The following ARHGAP42 variants were observed in gnomAD, a reference collection of about 807,000 sequenced individuals.
ARHGAP42 encodes the protein rho GTPase-activating protein 42.
Under a neutral mutation model 125.0 loss-of-function variants are expected in ARHGAP42, and 63 were observed. The observed-to-expected ratio is 0.50, with a 90% CI of 0.41 to 0.62. ARHGAP42 has a LOEUF of 0.62. Ranked by LOEUF, ARHGAP42 falls within the 20% of genes least tolerant of loss-of-function variation. The pLI is 0.00. For missense variants in ARHGAP42, 766 were observed against 1,024.2 expected, an observed-to-expected ratio of 0.75 and a Z score of 3.44; for synonymous variants, 339 against 351.0, an observed-to-expected ratio of 0.97 and a Z score of 0.38.
chr11:100,831,065 G>C (rs1333715418), intron 3 of ARHGAP42, among the ~76,000 whole-genome samples: 10 of 152,066 alleles, frequency 6.6e-5, no homozygotes, highest in Non-Finnish European at 1.3e-4. Context: ...TCTGTGCTTG[G>C]ATTTTTGGAT....
chr11:100,831,426 C>T lies in ARHGAP42; in HGVS notation c.313-28128C>T, dbSNP rs539014220. Among the ~76,000 whole-genome samples the T allele has an allele frequency of 1.9e-4, 29 of 152,264 alleles. No individual in the cohort carries two copies. In the South Asian group the frequency reaches 6.0e-3, roughly 32 times the overall value. ...CTGACTTAAAAGGAGTCATCCACAT[C>T]GTTAGGATATTATAACATTGTACTA... On this transcript the variant is annotated intron_variant, in intron 3 of 23. Coordinates refer to ENST00000298815, the MANE Select transcript of ARHGAP42 (RefSeq NM_152432.4).
chr11:100,841,296 C>A (rs1034725385), intron 3 of ARHGAP42, among the ~76,000 whole-genome samples: 1 of 151,918 alleles, frequency 6.6e-6, no homozygotes, highest in Non-Finnish European at 1.5e-5. Flanking sequence ...ACAGTTAATA[C>A]CAAAGGGGTT....
At chr11:100,946,657 C>G (rs544498893) in intron 10 of ARHGAP42, among the ~76,000 whole-genome samples, 1 of 151,966 alleles carries the variant, frequency 6.6e-6, no homozygotes, top group Non-Finnish European at 1.5e-5. Flanking sequence ...GCACACACAA[C>G]TTTTATTGAC....
chr11:100,856,246 A>C (rs541975981), intron 3 of ARHGAP42, among the ~76,000 whole-genome samples: 3 of 152,112 alleles, frequency 2.0e-5, no homozygotes, highest in Non-Finnish European at 2.9e-5. Flanking sequence ...ACTCTAATTC[A>C]CATTTTAAAT....
intron 6 of ARHGAP42, among the ~76,000 whole-genome samples, chr11:100,924,858 C>T (rs67240346): frequency 0.24 from 36,056 of 151,812 alleles, 4,942 homozygotes; most frequent in Middle Eastern, 0.37. Context: ...GATGGAGTGT[C>T]GCCCTGTTGC....
rs1431038259 is a variant in ARHGAP42 at position 100,687,461 on chromosome 11, G to A, written c.-218G>A. 6.6e-6 allele frequency among the ~76,000 whole-genome samples: 1 copy of A among 151,968 alleles called. No individual in the cohort carries two copies. Among genetic ancestry groups the A allele is most frequent in the Middle Eastern group, 3.4e-3 (1 of 290 alleles). ...GAGGGGACTCGCGCCTCGGCCCGCC[G>A]CCCGCGCCTGCGCTCGCCTAGCCTC... is the stretch of plus-strand genomic sequence containing the variant. On this transcript the variant is annotated 5_prime_UTR_variant, in exon 1 of 24. Transcript: ENST00000298815.
chr11:100,803,205 A>G (rs567533729), intron 3 of ARHGAP42, among the ~76,000 whole-genome samples: 83 of 101,260 alleles, frequency 8.2e-4, no homozygotes, highest in African/African-American at 3.0e-3. Flanking sequence ...GTGAGATCCA[A>G]TCTCTACTAA....
intron 3 of ARHGAP42, among the ~76,000 whole-genome samples, chr11:100,846,112 C>A (rs183894497): frequency 1.3e-5 from 2 of 152,254 alleles, no homozygotes; most frequent in East Asian, 3.9e-4. Context: ...CATCCATTCA[C>A]CTTTTAGAAG....
intron 1 of ARHGAP42, among the ~76,000 whole-genome samples, chr11:100,738,758 T>G (rs1437365124): frequency 2.6e-5 from 4 of 152,232 alleles, no homozygotes; most frequent in Admixed American, 2.6e-4. Flanking sequence ...ACAAATAAAG[T>G]GAACATGTAG....
chr11:100,987,471 G>T (rs1037025946), intron 22 of ARHGAP42, 42 bp from the exon 23 acceptor site: 2 of 1,460,720 alleles, frequency 1.4e-6, no homozygotes, highest in Non-Finnish European at 1.9e-6. Flanking sequence ...GATGTCCTTA[G>T]GTTGAGTGTT....
intron 3 of ARHGAP42, 140 bp from the exon 4 acceptor site, chr11:100,859,414 A>G: frequency 6.3e-6 from 4 of 634,174 alleles, no homozygotes; most frequent in South Asian, 4.2e-5. Context: ...GAAGAACTGT[A>G]TATAACATGT....
At chr11:100,696,366 T>G (rs1861284552) in intron 1 of ARHGAP42, among the ~76,000 whole-genome samples, 1 of 152,222 alleles carries the variant, frequency 6.6e-6, no homozygotes, top group Non-Finnish European at 1.5e-5. Flanking sequence ...CTATTTATTT[T>G]TTTTGAAGCA....
intron 4 of ARHGAP42, among the ~76,000 whole-genome samples, chr11:100,897,234 T>C (rs1428623900): frequency 6.6e-6 from 1 of 152,234 alleles, no homozygotes; most frequent in Non-Finnish European, 1.5e-5. Flanking sequence ...GCTATTTTGG[T>C]TACTATAACG....
chr11:100,700,896 C>T (rs1428152315), intron 1 of ARHGAP42, among the ~76,000 whole-genome samples: 2 of 152,156 alleles, frequency 1.3e-5, no homozygotes, highest in African/African-American at 4.8e-5. Context: ...GAATCCTTTC[C>T]CGAAGGTTTT....
chr11:100,924,957 G>A lies in ARHGAP42; in HGVS notation c.597+3353G>A, dbSNP rs1381798855. ...ATTCTCCTGCCTCAGCCTCCTGAGC[G>A]AGTAGCTGAAATTACAGGTGTGCAC... On this transcript the variant is annotated intron_variant, in intron 6 of 23. Coordinates refer to ENST00000298815, the MANE Select transcript of ARHGAP42 (RefSeq NM_152432.4). 3.9e-5 allele frequency among the ~76,000 whole-genome samples: 6 copies of A among 152,004 alleles called. No homozygotes were observed. In the South Asian group the frequency reaches 6.2e-4, roughly 16 times the overall value.
At chr11:100,732,478 A>T (rs553378952) in intron 1 of ARHGAP42, among the ~76,000 whole-genome samples, 1 of 152,228 alleles carries the variant, frequency 6.6e-6, no homozygotes, top group East Asian at 1.9e-4. Context: ...AAAATTAGCC[A>T]TATATTTATA....
chr11:100,960,938 C>T lies in ARHGAP42; in HGVS notation c.1249C>T (p.Arg417Ter), dbSNP rs927039528. 4 of 1,535,288 alleles carry T rather than the reference C, an allele frequency of 2.6e-6. No homozygotes were observed. Among genetic ancestry groups the T allele is most frequent in the East Asian group, 2.5e-5 (1 of 40,436 alleles). ...AGGTATCACCATTTTAGGACTCTAC[C>T]GAATAGGAGGAGTGAACTCCAAAGT... ...TRGITILGLY[R>*]IGGVNSKVQK... Residue 417 changes from arginine to a stop codon, truncating the protein, a stop_gained, in exon 14 of 24, where the codon CGA becomes TGA. Coordinates refer to ENST00000298815, the MANE Select transcript of ARHGAP42 (RefSeq NM_152432.4). LOFTEE classifies it high-confidence loss of function.
chr11:100,919,308 A>G (rs999816670), intron 5 of ARHGAP42, among the ~76,000 whole-genome samples: 4 of 152,150 alleles, frequency 2.6e-5, no homozygotes, highest in African/African-American at 4.8e-5. Flanking sequence ...TATTGTTTGT[A>G]CAAACAGTTT....
intron 4 of ARHGAP42, among the ~76,000 whole-genome samples, chr11:100,901,498 C>T (rs755576261): frequency 6.6e-6 from 1 of 152,234 alleles, no homozygotes; most frequent in Non-Finnish European, 1.5e-5. Context: ...ACCTTTTGTT[C>T]AGCTATGCCC....
Sources: allele counts gnomAD v4.1 joint callset (sites outside exome capture counted in the v4.1 genomes callset), GRCh38; gene constraint gnomAD v4.1.1; transcripts MANE v1.5; gene names NCBI Gene and HGNC (gene_info 2026-07-23, HGNC 2026-07-21).